CORIN: variants seen among roughly 807,000 people sequenced by gnomAD.
CORIN encodes atrial natriuretic peptide-converting enzyme.
A neutral mutation model predicts 125.3 loss-of-function variants in CORIN; 117 were observed. The observed-to-expected ratio is 0.93, with a 90% CI of 0.80 to 1.09. The LOEUF (loss-of-function observed/expected upper bound fraction) is 1.09. CORIN is among the 50% of genes least tolerant of loss of function. CORIN has a pLI of 0.00. For missense variants in CORIN, 1,253 were observed against 1,306.7 expected (o/e 0.96, Z 0.63); for synonymous variants, 450 against 466.4 (o/e 0.96, Z 0.45).
At chr4:47,830,628 T>G (rs1732941219) in intron 1 of CORIN, among the ~76,000 whole-genome samples, 1 of 152,216 alleles carries the variant, frequency 6.6e-6, no homozygotes, top group East Asian at 1.9e-4. Context: ...ATTCTTTTTG[T>G]CCAGCCTGTA....
intron 19 of CORIN, among the ~76,000 whole-genome samples, chr4:47,619,157 A>G (rs1042724173): frequency 6.6e-6 from 1 of 152,252 alleles, no homozygotes; most frequent in Non-Finnish European, 1.5e-5. Context: ...ATTCTTCCTT[A>G]GAACTTTTGA....
At chr4:47,808,328 T>C (rs1731889792) in intron 1 of CORIN, among the ~76,000 whole-genome samples, 1 of 152,208 alleles carries the variant, frequency 6.6e-6, no homozygotes, top group Non-Finnish European at 1.5e-5. Flanking sequence ...AAGAAGTTGT[T>C]CTAACACAAT....
chr4:47,694,654 T>C (rs956734860), intron 5 of CORIN, among the ~76,000 whole-genome samples: 1 of 152,118 alleles, frequency 6.6e-6, no homozygotes, highest in African/African-American at 2.4e-5. Context: ...AAAGCTCCAG[T>C]CAATGAAGCC....
At chr4:47,612,735 G>A (rs1721918986) in intron 19 of CORIN, among the ~76,000 whole-genome samples, 1 of 152,170 alleles carries the variant, frequency 6.6e-6, no homozygotes. Context: ...AGGGTCCACA[G>A]GCATCAAAAA....
chr4:47,615,813 C>G (rs1316645887), intron 19 of CORIN, among the ~76,000 whole-genome samples: 1 of 151,148 alleles, frequency 6.6e-6, no homozygotes. Flanking sequence ...TTATGGCAGC[C>G]CTAGGAAATA....
chr4:47,644,751 G>A (rs1300272203), intron 14 of CORIN, among the ~76,000 whole-genome samples: 2 of 151,946 alleles, frequency 1.3e-5, no homozygotes, highest in African/African-American at 4.8e-5. Flanking sequence ...ATGAATCCAA[G>A]AGAAATTTTT....
chr4:47,754,642 G>C (rs1729053334), intron 4 of CORIN, among the ~76,000 whole-genome samples: 1 of 151,894 alleles, frequency 6.6e-6, no homozygotes, highest in Admixed American at 6.6e-5. Flanking sequence ...AATACACAGA[G>C]GGGTCCAAGC....
intron 18 of CORIN, 32 bp downstream of exon 18, chr4:47,623,867 A>T: frequency 6.2e-7 from 1 of 1,609,476 alleles, no homozygotes; most frequent in Non-Finnish European, 8.5e-7. Flanking sequence ...AATTAAGTTC[A>T]TATCCCATTG....
chr4:47,686,307 T>G (rs1725514996), intron 6 of CORIN, among the ~76,000 whole-genome samples: 1 of 152,096 alleles, frequency 6.6e-6, no homozygotes, highest in Non-Finnish European at 1.5e-5. Flanking sequence ...TATATACACG[T>G]AAGTCCATAC....
At chr4:47,640,452 A>G (rs1184728049) in intron 16 of CORIN, among the ~76,000 whole-genome samples, 2 of 152,218 alleles carry the variant, frequency 1.3e-5, no homozygotes, top group African/African-American at 4.8e-5. Flanking sequence ...ATAGAGGCAG[A>G]AAGCAGATTA....
At chr4:47,620,499 A>T (rs1008930843) in intron 19 of CORIN, among the ~76,000 whole-genome samples, 6 of 152,262 alleles carry the variant, frequency 3.9e-5, no homozygotes, top group Non-Finnish European at 5.9e-5. Context: ...TGTAAAAGTA[A>T]ACAATGACGG....
intron 19 of CORIN, among the ~76,000 whole-genome samples, chr4:47,608,682 A>G (rs1473350334): frequency 1.3e-5 from 2 of 152,258 alleles, no homozygotes. Flanking sequence ...TTCATAGACA[A>G]TATTGAGCTT....
intron 1 of CORIN, among the ~76,000 whole-genome samples, chr4:47,830,530 A>T (rs1732935400): frequency 6.6e-6 from 1 of 152,218 alleles, no homozygotes; most frequent in South Asian, 2.1e-4. Flanking sequence ...TCACAAGTGC[A>T]TGAATCCCTG....
At chr4:47,623,132 A>ACACT (rs1249231612) in intron 19 of CORIN, among the ~76,000 whole-genome samples, 1 of 142,754 alleles carries the variant, frequency 7.0e-6, no homozygotes, top group African/African-American at 2.6e-5. Context: ...ACACACACAC[A>ACACT]CTCTCTCTGA....
chr4:47,609,555 A>T (rs1319755579), intron 19 of CORIN, among the ~76,000 whole-genome samples: 5 of 151,856 alleles, frequency 3.3e-5, no homozygotes, highest in African/African-American at 4.8e-5. Context: ...TGGTATTTTT[A>T]AAAAATTATC....
intron 4 of CORIN, among the ~76,000 whole-genome samples, chr4:47,747,882 T>C (rs1728729432): frequency 6.6e-6 from 1 of 152,208 alleles, no homozygotes; most frequent in South Asian, 2.1e-4. Context: ...AATTCATTCT[T>C]TAAGGCAATG....
chr4:47,666,031 C>T (rs1365633827), intron 10 of CORIN, among the ~76,000 whole-genome samples: 2 of 152,152 alleles, frequency 1.3e-5, no homozygotes, highest in African/African-American at 4.8e-5. Flanking sequence ...CAAAGGTGGT[C>T]ATGGTTCTAG....
chr4:47,769,563 C>CA (rs968888553), intron 3 of CORIN, among the ~76,000 whole-genome samples: 7 of 149,918 alleles, frequency 4.7e-5, no homozygotes, highest in South Asian at 2.1e-4. Context: ...AACAAAGAAC[C>CA]AAAAAAAAAT....
intron 4 of CORIN, among the ~76,000 whole-genome samples, chr4:47,757,878 G>GTATATATA (rs59621469): frequency 0.019 from 2,371 of 123,722 alleles, 81 homozygotes; most frequent in African/African-American, 0.07. Flanking sequence ...ATATATATAT[G>GTATATATA]TATATATATA....
Sources: allele counts gnomAD v4.1 joint callset (sites outside exome capture counted in the v4.1 genomes callset), GRCh38; gene constraint gnomAD v4.1.1; transcripts MANE v1.5; gene names NCBI Gene and HGNC (gene_info 2026-07-23, HGNC 2026-07-21).